Variants in PTPRM observed in about 807,000 individuals in gnomAD.
PTPRM encodes the protein protein tyrosine phosphatase receptor type M.
A neutral mutation model predicts 186.7 loss-of-function variants in PTPRM; 47 were observed. The observed-to-expected ratio is 0.25, with a 90% CI of 0.20 to 0.32. The LOEUF (loss-of-function observed/expected upper bound fraction) is 0.32. Among genes scored for constraint, PTPRM ranks in the 10% least tolerant of loss-of-function variants. The pLI is 1.00. For synonymous variants in PTPRM, 668 were observed against 674.9 expected, an observed-to-expected ratio of 0.99 and a Z score of 0.16; for missense variants, 1,494 against 1,865.0, an observed-to-expected ratio of 0.80 and a Z score of 3.66.
At chr18:8,217,005 G>A (rs1215007746) in intron 14 of PTPRM, among the ~76,000 whole-genome samples, 1 of 152,206 alleles carries the variant, frequency 6.6e-6, no homozygotes, top group Non-Finnish European at 1.5e-5. Flanking sequence ...TTCGCGTAGA[G>A]TAACTCTTAG....
At chr18:7,719,355 A>G (rs907148659) in intron 1 of PTPRM, among the ~76,000 whole-genome samples, 5 of 144,056 alleles carry the variant, frequency 3.5e-5, no homozygotes, top group Non-Finnish European at 1.5e-5. Context: ...AAGGCATGAG[A>G]GTGATATAAT....
At chr18:7,869,326 A>G (rs2047870082) in intron 2 of PTPRM, among the ~76,000 whole-genome samples, 2 of 152,152 alleles carry the variant, frequency 1.3e-5, no homozygotes, top group Admixed American at 1.3e-4. Flanking sequence ...CCCTGGTGGC[A>G]CAGGCACCGG....
At chr18:8,294,313 T>G (rs998678782) in intron 19 of PTPRM, among the ~76,000 whole-genome samples, 20 of 152,150 alleles carry the variant, frequency 1.3e-4, no homozygotes, top group Non-Finnish European at 2.6e-4. Context: ...AGAGGTTTAA[T>G]TGATGCACAG....
intron 2 of PTPRM, among the ~76,000 whole-genome samples, chr18:7,816,708 C>T (rs1360647744): frequency 1.3e-5 from 2 of 152,104 alleles, no homozygotes; most frequent in Non-Finnish European, 2.9e-5. Context: ...TTTTATAGCT[C>T]ACCCTTTCAT....
At chr18:7,979,428 G>A (rs73383812) in intron 7 of PTPRM, among the ~76,000 whole-genome samples, 2,128 of 152,208 alleles carry the variant, frequency 0.014, 63 homozygotes, top group African/African-American at 0.049. Flanking sequence ...TTTTTGAAAC[G>A]CAGATCTAAG....
At chr18:8,220,806 C>T (rs894149132) in intron 14 of PTPRM, among the ~76,000 whole-genome samples, 3 of 152,106 alleles carry the variant, frequency 2.0e-5, no homozygotes, top group Admixed American at 6.5e-5. Flanking sequence ...TACATTGAAT[C>T]GATGCTCTTA....
intron 1 of PTPRM, among the ~76,000 whole-genome samples, chr18:7,598,777 A>C (rs1318205514): frequency 7.3e-6 from 1 of 136,760 alleles, no homozygotes; most frequent in Non-Finnish European, 1.5e-5. Context: ...TTTAGTTCTG[A>C]ATTCCTTTTT....
intron 2 of PTPRM, among the ~76,000 whole-genome samples, chr18:7,855,190 G>C (rs2047037896): frequency 6.6e-6 from 1 of 152,118 alleles, no homozygotes; most frequent in African/African-American, 2.4e-5. Context: ...CTCTTACATT[G>C]TTATTATTAG....
chr18:7,885,490 A>G (rs987967491), intron 2 of PTPRM, among the ~76,000 whole-genome samples: 1 of 152,192 alleles, frequency 6.6e-6, no homozygotes, highest in Admixed American at 6.5e-5. Context: ...TTGAGAGGAC[A>G]GTTGCCCCTC....
At chr18:8,277,006 G>C (rs922574383) in intron 19 of PTPRM, among the ~76,000 whole-genome samples, 1 of 151,680 alleles carries the variant, frequency 6.6e-6, no homozygotes, top group African/African-American at 2.4e-5. Flanking sequence ...GTGACGCAGA[G>C]TTTCACTGCA....
chr18:8,146,025 C>CTTTT (rs33980345), intron 14 of PTPRM, among the ~76,000 whole-genome samples: 3 of 109,856 alleles, frequency 2.7e-5, no homozygotes, highest in Non-Finnish European at 5.7e-5. Context: ...TCTTTCTTTT[C>CTTTT]TTTTTTTTTT....
intron 7 of PTPRM, among the ~76,000 whole-genome samples, chr18:7,963,970 C>T (rs528391345): frequency 1.3e-5 from 2 of 152,292 alleles, no homozygotes; most frequent in South Asian, 4.1e-4. Context: ...TCTACTAAAT[C>T]TGCTTTGAAC....
At chr18:7,749,340 A>C (rs972314907) in intron 1 of PTPRM, 1 of 152,030 alleles carries the variant, frequency 6.6e-6, no homozygotes, top group Admixed American at 6.5e-5. Context: ...AAAACAACAA[A>C]AAAAACTCAC....
intron 3 of PTPRM, among the ~76,000 whole-genome samples, chr18:7,901,116 G>T (rs1376420979): frequency 6.6e-6 from 1 of 152,094 alleles, no homozygotes; most frequent in Non-Finnish European, 1.5e-5. Flanking sequence ...TTCCCACTGG[G>T]TTCTGCACAC....
chr18:7,802,215 C>T (rs992973845), intron 2 of PTPRM, among the ~76,000 whole-genome samples: 2 of 152,122 alleles, frequency 1.3e-5, no homozygotes, highest in African/African-American at 4.8e-5. Flanking sequence ...CCTGTTTCAC[C>T]TTCTGACTCT....
At chr18:7,970,631 GT>G (rs1466359680) in intron 7 of PTPRM, among the ~76,000 whole-genome samples, 1 of 92,652 alleles carries the variant, frequency 1.1e-5, no homozygotes, top group East Asian at 3.0e-4. Flanking sequence ...CAAAATCAAT[GT>G]ACAAAAATCA....
chr18:8,146,913 T>C (rs1166148194), intron 14 of PTPRM, among the ~76,000 whole-genome samples: 4 of 152,212 alleles, frequency 2.6e-5, no homozygotes, highest in African/African-American at 9.6e-5. Context: ...GGGAATCTTT[T>C]CCCCATTGCT....
chr18:8,304,351 T>C (rs2095195596), intron 20 of PTPRM, among the ~76,000 whole-genome samples: 1 of 152,168 alleles, frequency 6.6e-6, no homozygotes, highest in African/African-American at 2.4e-5. Flanking sequence ...CCCAGTCCAA[T>C]GCATGCCTAT....
At chr18:7,790,093 T>C (rs2043268496) in intron 2 of PTPRM, among the ~76,000 whole-genome samples, 1 of 152,204 alleles carries the variant, frequency 6.6e-6, no homozygotes, top group Non-Finnish European at 1.5e-5. Flanking sequence ...CCAGGTGACT[T>C]TGCTTGACTT....
Sources: gnomAD v4.1 joint callset for allele counts (sites outside exome capture counted in the v4.1 genomes callset) on GRCh38, gnomAD v4.1.1 for gene constraint, MANE v1.5 for transcripts, NCBI Gene and HGNC (gene_info 2026-07-23, HGNC 2026-07-21) for gene names.